The following INTS6 variants were observed in gnomAD, a reference collection of about 807,000 sequenced individuals.
INTS6 encodes the protein integrator complex subunit 6.
In INTS6, 16 loss-of-function variants were observed where a neutral mutation model predicts 104.9. That is an observed-to-expected ratio of 0.15 (90% CI 0.10 to 0.23). The LOEUF is 0.23. INTS6 is among the 10% of genes least tolerant of loss of function. The pLI is 1.00. For missense variants in INTS6, 584 were observed against 1,062.8 expected, an observed-to-expected ratio of 0.55 and a Z score of 6.26; for synonymous variants, 324 against 358.7, an observed-to-expected ratio of 0.90 and a Z score of 1.09.
chr13:51,451,213 TA>T, intron 2 of INTS6, 39 bp from the exon 3 acceptor site: 1 of 1,501,744 alleles, frequency 6.7e-7, no homozygotes, highest in South Asian at 1.4e-5. Flanking sequence ...TTTCATTTTT[TA>T]AAGCCATGTA....
At position 51,378,419 on chromosome 13, in the gene INTS6, T is replaced by C; in HGVS notation, c.1422A>G (p.Val474=). ...CAGTCTCCTGTACTACTTTTTTGCC[T>C]ACAGATCCAATGACTCGATCAGATT... ...KIESDRVIGS[V]GKKVVQETGI... is the part of the protein sequence containing the mutation. The change falls in exon 12 of 18, where the codon GTA becomes GTG. Residue 474 remains valine, a synonymous_variant. Coordinates refer to ENST00000311234, the MANE Select transcript of INTS6 (RefSeq NM_012141.3). 1 of 1,613,236 alleles carries C rather than the reference T, an allele frequency of 6.2e-7. No homozygotes were observed. The highest frequency in any genetic ancestry group is 8.5e-7 in the Non-Finnish European group (1 of 1,179,332).
At chr13:51,394,315 A>G (rs925384841) in intron 5 of INTS6, among the ~76,000 whole-genome samples, 5 of 152,220 alleles carry the variant, frequency 3.3e-5, no homozygotes, top group Non-Finnish European at 7.3e-5. Context: ...TAATGACATG[A>G]ATAACAGCTT....
intron 3 of INTS6, among the ~76,000 whole-genome samples, chr13:51,434,738 T>C (rs887398606): frequency 2.7e-5 from 3 of 112,284 alleles, no homozygotes; most frequent in Non-Finnish European, 5.1e-5. Context: ...AAGAAAGTTT[T>C]CTTATATACT....
intron 4 of INTS6, among the ~76,000 whole-genome samples, chr13:51,405,012 T>C (rs1037257796): frequency 6.6e-6 from 1 of 152,068 alleles, no homozygotes; most frequent in Non-Finnish European, 1.5e-5. Context: ...ATGCATAAAG[T>C]ACAAAAGAAT....
the INTS6 span, among the ~76,000 whole-genome samples, chr13:51,337,497 G>C: frequency 6.6e-6 from 1 of 152,166 alleles, no homozygotes; most frequent in East Asian, 1.9e-4. Context: ...CCATCGAAAG[G>C]CTTAGAATCC....
chr13:51,428,313 T>C (rs1448074295), intron 4 of INTS6, among the ~76,000 whole-genome samples: 5 of 151,628 alleles, frequency 3.3e-5, no homozygotes, highest in African/African-American at 1.2e-4. Flanking sequence ...AAATTTAAAA[T>C]GACTTTTTTT....
At chr13:51,358,504 G>A (rs1225571355), downstream of INTS6, among the ~76,000 whole-genome samples, 3 of 152,066 alleles carry the variant, frequency 2.0e-5, no homozygotes, top group East Asian at 1.9e-4. Context: ...TCTATGCCAC[G>A]CCTTTATGGT....
intron 3 of INTS6, among the ~76,000 whole-genome samples, chr13:51,355,365 G>A (rs906542686): frequency 6.6e-6 from 1 of 152,090 alleles, no homozygotes; most frequent in Non-Finnish European, 1.5e-5. Context: ...TTTCAGAGAC[G>A]ACCTTCACCA....
intron 3 of INTS6, chr13:51,447,680 C>A (rs1952946014): frequency 7.4e-6 from 1 of 134,986 alleles, no homozygotes; most frequent in Non-Finnish European, 1.5e-5. Context: ...CAAAAACGGA[C>A]TTGCAGGCCA....
the INTS6 span, chr13:51,347,260 C>G: frequency 1.6e-4 from 257 of 1,603,392 alleles, 1 homozygote; most frequent in Middle Eastern, 1.3e-3. Flanking sequence ...GCTGGTTTGT[C>G]TAAAGGGAGA....
chr13:51,423,011 C>CTTGCCTGTCTTCAAATAATAAAT, intron 4 of INTS6: 1 of 1,219,588 alleles, frequency 8.2e-7, no homozygotes, highest in South Asian at 1.3e-5. Context: ...TAATGTATTA[C>CTTGCCTGTCTTCAAATAATAAAT]AAATGTTTAT....
intron 4 of INTS6, among the ~76,000 whole-genome samples, chr13:51,429,763 C>CAAAAA (rs35873020): frequency 2.2e-4 from 6 of 26,980 alleles, no homozygotes; most frequent in Non-Finnish European, 3.2e-4. Flanking sequence ...GACTCTGTCT[C>CAAAAA]AAAAAAAAAA....
chr13:51,388,716 G>A (rs148509647), intron 6 of INTS6, among the ~76,000 whole-genome samples: 2 of 152,234 alleles, frequency 1.3e-5, no homozygotes, highest in African/African-American at 4.8e-5. Context: ...CTTGAAATAG[G>A]TAACATACAA....
chr13:51,348,481 G>A, the INTS6 span: 3 of 1,336,872 alleles, frequency 2.2e-6, no homozygotes, highest in African/African-American at 4.3e-5. Flanking sequence ...TTGCACACAG[G>A]TGGTCTGCCT....
intron 4 of INTS6, among the ~76,000 whole-genome samples, chr13:51,426,227 G>T (rs1435646161): frequency 6.6e-6 from 1 of 152,114 alleles, no homozygotes; most frequent in South Asian, 2.1e-4. Flanking sequence ...TAAGTGACGA[G>T]CTGTCCCAGA....
intron 4 of INTS6, among the ~76,000 whole-genome samples, chr13:51,415,786 G>A (rs1956777312): frequency 1.3e-5 from 2 of 152,092 alleles, no homozygotes; most frequent in Admixed American, 1.3e-4. Flanking sequence ...AAGCCTTTTA[G>A]GCCAAATACA....
rs781479771 is a variant in INTS6, at chr13:51,430,405, A to AT, written c.340-23dup. On this transcript the variant is annotated intron_variant, in intron 3 of 17. Coordinates refer to ENST00000311234, the MANE Select transcript of INTS6 (RefSeq NM_012141.3). ...TTCCCTAAAGTCAAAAAACACATTG[A>AT]TCATACAAAGATTTAGACTTTGGCT... is the stretch of plus-strand genomic sequence containing the variant. The AT allele has an allele frequency of 2.5e-6, 4 of 1,580,086 alleles. No homozygotes were observed. In the South Asian group the frequency reaches 4.5e-5, roughly 18 times the overall value.
At chr13:51,441,176 A>C (rs1952790895) in intron 3 of INTS6, 1 of 152,192 alleles carries the variant, frequency 6.6e-6, no homozygotes, top group Non-Finnish European at 1.5e-5. Flanking sequence ...GAGTGACAGA[A>C]CCAGGCACAG....
the INTS6 span, chr13:51,347,106 C>T: frequency 6.2e-7 from 1 of 1,611,576 alleles, no homozygotes. Context: ...CTTGTGAGCA[C>T]CATGTCCTTC....
Sources: allele counts gnomAD v4.1 joint callset (sites outside exome capture counted in the v4.1 genomes callset), GRCh38; gene constraint gnomAD v4.1.1; transcripts MANE v1.5; gene names NCBI Gene and HGNC (gene_info 2026-07-23, HGNC 2026-07-21).